CRPPA: variants seen among roughly 807,000 people sequenced by gnomAD.
CRPPA encodes D-ribitol-5-phosphate cytidylyltransferase.
Under a neutral mutation model 52.0 loss-of-function variants are expected in CRPPA, and 43 were observed. The observed-to-expected ratio is 0.83, with a 90% confidence interval of 0.65 to 1.07. The LOEUF is 1.07. CRPPA is among the 50% of genes least tolerant of loss of function. The pLI, the probability that CRPPA is intolerant of heterozygous loss-of-function variation, is 0.00. For missense variants in CRPPA, 629 were observed against 551.7 expected, an observed-to-expected ratio of 1.14 and a Z score of -1.40; for synonymous variants, 250 against 203.5, an observed-to-expected ratio of 1.23 and a Z score of -1.94.
rs117702068 is a variant in CRPPA, at chr7:16,209,749, C to T, written c.1251+6317G>A. Among the ~76,000 whole-genome samples, 225 of 152,200 alleles carry T rather than the reference C, an allele frequency of 1.5e-3. 3 individuals carry two copies. In the East Asian group the frequency reaches 0.027, roughly 19 times the overall value. The stretch of plus-strand genomic sequence containing the variant: ...TCTTTTAGGAATGTATATAAGAACA[C>T]GCTACTAAACAAAATATTCATTTCA... On this transcript the variant is annotated intron_variant, in intron 9 of 9. Transcript: ENST00000407010.
At chr7:16,389,992 C>G (rs982525158) in intron 2 of CRPPA, among the ~76,000 whole-genome samples, 1 of 118,292 alleles carries the variant, frequency 8.5e-6, no homozygotes, top group Non-Finnish European at 1.7e-5. Context: ...ATACAACAAT[C>G]CAAAAATGAA....
At chr7:16,137,522 A>G (rs1782784567) in intron 9 of CRPPA, among the ~76,000 whole-genome samples, 1 of 152,204 alleles carries the variant, frequency 6.6e-6, no homozygotes, top group African/African-American at 2.4e-5. Context: ...TTTAAAAATG[A>G]TAATAGCAAC....
At chr7:16,194,938 G>A (rs1781697359) in intron 9 of CRPPA, among the ~76,000 whole-genome samples, 1 of 151,792 alleles carries the variant, frequency 6.6e-6, no homozygotes, top group Non-Finnish European at 1.5e-5. Flanking sequence ...TAAGAGAGTG[G>A]AGTGGAGACT....
intron 2 of CRPPA, among the ~76,000 whole-genome samples, chr7:16,383,273 C>T (rs1202097031): frequency 3.9e-5 from 6 of 152,174 alleles, no homozygotes; most frequent in Admixed American, 2.0e-4. Flanking sequence ...ACCCTGTTTG[C>T]CTGGGTATCA....
At chr7:16,405,315 A>G (rs1562687574) in intron 2 of CRPPA, among the ~76,000 whole-genome samples, 4 of 152,148 alleles carry the variant, frequency 2.6e-5, no homozygotes, top group Admixed American at 1.3e-4. Context: ...ATTATTTTTT[A>G]TATTTTCACA....
chr7:16,376,377 G>T, intron 2 of CRPPA, 136 bp from the exon 3 acceptor site: 1 of 844,164 alleles, frequency 1.2e-6, no homozygotes, highest in Non-Finnish European at 1.7e-6. Context: ...CTGAGTAAGT[G>T]TGATTGGTTC....
intron 9 of CRPPA, among the ~76,000 whole-genome samples, chr7:16,158,164 G>A (rs1343101790): frequency 7.9e-5 from 12 of 151,740 alleles, no homozygotes; most frequent in Non-Finnish European, 1.2e-4. Flanking sequence ...GATTACAGGC[G>A]TGAGCCACCG....
Position 16,089,460 on chromosome 7 carries a change from T to C in CRPPA, c.*2235A>G. The C allele has an allele frequency of 3.4e-6, 1 of 298,490 alleles. No individual in the cohort carries two copies. Among genetic ancestry groups the C allele is most frequent in the Non-Finnish European group, 7.3e-6 (1 of 137,340 alleles). 18.5% of individuals were successfully genotyped at this position (298,490 alleles called of 1,614,324 possible). On this transcript the variant is annotated 3_prime_UTR_variant, in exon 10 of 10. Transcript: ENST00000407010. ...ATATATGTACGTGCATACATATATG[T>C]GTATATATGTACGTACATATATACG...
At chr7:16,105,289 G>T (rs1782128843) in intron 9 of CRPPA, among the ~76,000 whole-genome samples, 2 of 152,116 alleles carry the variant, frequency 1.3e-5, no homozygotes, top group Non-Finnish European at 2.9e-5. Context: ...AACGAATGAA[G>T]TTACAATGAG....
In CRPPA at chr7:16,198,915, T is replaced by C. The variant is rs376196469; in HGVS notation, c.1251+17151A>G. 5.3e-5 allele frequency among the ~76,000 whole-genome samples: 8 copies of C among 152,150 alleles called. No homozygotes were observed. The East Asian group carries it at 1.2e-3, about 22-fold the overall frequency. ...GAACTTCCAACACATAATGACTCCATCCAAATCTCTGCACTAGAGGCAACC... is the reference window on the plus strand; with the variant it reads ...GAACTTCCAACACATAATGACTCCACCCAAATCTCTGCACTAGAGGCAACC... On this transcript the variant is annotated intron_variant, in intron 9 of 9. Transcript: ENST00000407010.
At chr7:16,362,175 A>T (rs1786468850) in intron 3 of CRPPA, among the ~76,000 whole-genome samples, 2 of 152,212 alleles carry the variant, frequency 1.3e-5, no homozygotes, top group Non-Finnish European at 2.9e-5. Context: ...TTTTTAAAAG[A>T]GTGCATGTCT....
chr7:16,303,968 T>C (rs986950062), intron 4 of CRPPA, among the ~76,000 whole-genome samples: 6 of 152,224 alleles, frequency 3.9e-5, no homozygotes, highest in African/African-American at 1.4e-4. Context: ...GTTAAATTTC[T>C]TCAGTAACTG....
intron 6 of CRPPA, among the ~76,000 whole-genome samples, chr7:16,263,911 A>G (rs1041356884): frequency 6.6e-6 from 1 of 152,200 alleles, no homozygotes; most frequent in Admixed American, 6.5e-5. Context: ...CCATAAACTA[A>G]GACAGAAATG....
intron 1 of CRPPA, 93 bp downstream of exon 1, chr7:16,420,973 C>A: frequency 9.0e-7 from 1 of 1,113,002 alleles, no homozygotes; most frequent in Non-Finnish European, 1.2e-6. Flanking sequence ...CGGCAGTCCC[C>A]CAAGTGAAGG....
chr7:16,256,240 T>C (rs1481579833), intron 8 of CRPPA, among the ~76,000 whole-genome samples: 1 of 152,176 alleles, frequency 6.6e-6, no homozygotes, highest in Non-Finnish European at 1.5e-5. Flanking sequence ...AGATACCATC[T>C]CACACCAGTT....
chr7:16,172,790 G>A (rs1300726666), intron 9 of CRPPA, among the ~76,000 whole-genome samples: 1 of 152,134 alleles, frequency 6.6e-6, no homozygotes, highest in Non-Finnish European at 1.5e-5. Context: ...AGGGATCCTG[G>A]GGTGGGATAG....
intron 3 of CRPPA, among the ~76,000 whole-genome samples, chr7:16,327,887 C>G (rs1280631358): frequency 6.6e-6 from 1 of 152,118 alleles, no homozygotes; most frequent in Non-Finnish European, 1.5e-5. Context: ...CACATCTGAT[C>G]TAGGTGTGTC....
intron 5 of CRPPA, among the ~76,000 whole-genome samples, chr7:16,287,479 T>C (rs898490117): frequency 6.6e-5 from 10 of 152,164 alleles, no homozygotes; most frequent in African/African-American, 1.9e-4. Flanking sequence ...TTGTTATGGA[T>C]TGAACTGTGT....
chr7:16,260,992 A>C (rs1445181309), intron 6 of CRPPA, among the ~76,000 whole-genome samples: 1 of 152,060 alleles, frequency 6.6e-6, no homozygotes, highest in Admixed American at 6.6e-5. Context: ...CAATGTGGGA[A>C]AGTTCTTTAA....
Sources: gnomAD v4.1 joint callset for allele counts (sites outside exome capture counted in the v4.1 genomes callset) on GRCh38, gnomAD v4.1.1 for gene constraint, MANE v1.5 for transcripts, NCBI Gene and HGNC (gene_info 2026-07-23, HGNC 2026-07-21) for gene names.